The following PNPLA7 variants were observed in gnomAD, a reference collection of about 807,000 sequenced individuals.
The protein encoded by PNPLA7 is patatin-like phospholipase domain-containing protein 7.
Under a neutral mutation model 161.7 loss-of-function variants are expected in PNPLA7, and 153 were observed. That is an observed-to-expected ratio of 0.95 (90% confidence interval 0.83 to 1.08). PNPLA7 has a LOEUF of 1.08. PNPLA7 is among the 50% of genes least tolerant of loss of function. PNPLA7 has a pLI of 0.00. For synonymous variants in PNPLA7, 809 were observed against 782.1 expected (o/e 1.03, Z -0.57); for missense variants, 1,739 against 1,856.6 (o/e 0.94, Z 1.16).
chr9:137,481,853 A>T (rs112228577), intron 21 of PNPLA7, among the ~76,000 whole-genome samples: 1 of 152,218 alleles, frequency 6.6e-6, no homozygotes. Flanking sequence ...GGAGAATGGC[A>T]TGAACTCGGG....
intron 26 of PNPLA7, among the ~76,000 whole-genome samples, chr9:137,465,437 CGGAG>C (rs1222678559): frequency 6.6e-6 from 1 of 152,200 alleles, no homozygotes; most frequent in African/African-American, 2.4e-5. Flanking sequence ...GACCCACAGA[CGGAG>C]GGACAGGGAG....
chr9:137,515,015 A>C lies in PNPLA7; in HGVS notation c.1225+364T>G, dbSNP rs187071041. ...AGGCACACGTCAGCAGGGCTGGGGA[A>C]GGAAGGGAGGCTTGCTAGAGACCCG... On this transcript the variant is annotated intron_variant, in intron 12 of 34. Coordinates refer to ENST00000406427, the MANE Select transcript of PNPLA7 (RefSeq NM_001098537.3). Among the ~76,000 whole-genome samples, 8 of 152,028 alleles carry C rather than the reference A, an allele frequency of 5.3e-5. No individual in the cohort carries two copies. In the East Asian group the frequency reaches 1.6e-3, roughly 29 times the overall value.
intron 4 of PNPLA7, among the ~76,000 whole-genome samples, chr9:137,545,005 CAA>C (rs1377847204): frequency 6.6e-6 from 1 of 152,010 alleles, no homozygotes; most frequent in Non-Finnish European, 1.5e-5. Context: ...AAAAAGGTAA[CAA>C]AGATTGCTTT....
At chr9:137,462,549 C>T in intron 30 of PNPLA7, 136 bp downstream of exon 30, 1 of 1,414,656 alleles carries the variant, frequency 7.1e-7, no homozygotes, top group South Asian at 1.4e-5. Flanking sequence ...TGGGCTCAGG[C>T]AGGGGTGGTG....
At chr9:137,525,033 C>G (rs1247351780) in intron 8 of PNPLA7, among the ~76,000 whole-genome samples, 1 of 152,226 alleles carries the variant, frequency 6.6e-6, no homozygotes, top group African/African-American at 2.4e-5. Flanking sequence ...TTTATGCTAG[C>G]AGGTGACTCC....
chr9:137,491,762 C>T (rs1481618244), intron 20 of PNPLA7: 4 of 985,452 alleles, frequency 4.1e-6, no homozygotes, highest in East Asian at 2.3e-4. Flanking sequence ...GCTGTGCACA[C>T]GTCACTGTGT....
At chr9:137,463,180 T>A in intron 29 of PNPLA7, 2 of 592,098 alleles carry the variant, frequency 3.4e-6, no homozygotes, top group South Asian at 4.1e-5. Context: ...GCTGCTGAGC[T>A]GACAAACAGG....
chr9:137,462,824 G>A lies in PNPLA7; in HGVS notation c.3353C>T (p.Ala1118Val). Residue 1118 changes from alanine to valine, a missense_variant, in exon 30 of 35, where the codon GCC (alanine) becomes GTC (valine). By Grantham distance (64) the Ala-to-Val change is moderately conservative (BLOSUM62 0). Coordinates refer to ENST00000406427, the MANE Select transcript of PNPLA7 (RefSeq NM_001098537.3). ...CACCACTTTTGCCCCCATGGACCGGGCCACATCCGCTAGGGAGAAGCCAGC... is the reference window on the plus strand; with the variant it reads ...CACCACTTTTGCCCCCATGGACCGGACCACATCCGCTAGGGAGAAGCCAGC... ...GYINNLPADV[A>V]RSMGAKVVIA... 1 of 1,613,794 alleles carries A rather than the reference G, an allele frequency of 6.2e-7. No individual in the cohort carries two copies. The highest frequency in any genetic ancestry group is 8.5e-7 in the Non-Finnish European group (1 of 1,179,934).
At chr9:137,530,298 T>A (rs894204809) in intron 8 of PNPLA7, among the ~76,000 whole-genome samples, 6 of 152,236 alleles carry the variant, frequency 3.9e-5, no homozygotes, top group African/African-American at 1.4e-4. Context: ...TTTCAAAGTC[T>A]TTGTTATGCT....
At chr9:137,521,802 C>A in intron 9 of PNPLA7, 86 bp from the exon 10 acceptor site, 1 of 1,207,824 alleles carries the variant, frequency 8.3e-7, no homozygotes, top group South Asian at 1.4e-5. Context: ...CACTGAGAAC[C>A]GTGCCCCAAA....
Position 137,463,457 on chromosome 9 carries a change from C to A in PNPLA7, c.3301G>T (p.Gly1101Ter). ...TAGCCCCCGTCCATCAGCAGGTGTC[C>A]GTCCTTCGGGTCACAGAGAGGGGGC... is the stretch of plus-strand genomic sequence containing the variant. ...YMPPLCDPKD[G>*]HLLMDGGYIN... The change falls in exon 29 of 35, where the codon GGA (glycine) becomes TGA (stop). Residue 1101 changes from glycine (G) to a stop codon, truncating the protein, a stop_gained. Transcript: ENST00000406427. LOFTEE classifies it high-confidence loss of function. 5 of 1,598,938 alleles carry A rather than the reference C, an allele frequency of 3.1e-6. No individual in the cohort carries two copies. Among genetic ancestry groups the A allele is most frequent in the Non-Finnish European group, 3.4e-6 (4 of 1,172,954 alleles).
In PNPLA7 at chr9:137,480,959, C is replaced by A. The variant is rs1271526536; in HGVS notation, c.2411+1G>T. 4.5e-6 allele frequency: 7 copies of A among 1,551,492 alleles called. No individual in the cohort carries two copies. Among genetic ancestry groups the A allele is most frequent in the South Asian group, 3.6e-5 (3 of 84,060 alleles). On this transcript the variant is annotated splice_donor_variant, in intron 22 of 34. Coordinates refer to ENST00000406427, the MANE Select transcript of PNPLA7 (RefSeq NM_001098537.3). LOFTEE classifies it high-confidence loss of function. ...AAGGAGTCGGGGCTGGCGGCACGCA[C>A]CTGTCCAGGGCAGCGGAGCCAAGGC...
chr9:137,545,560 A>T (rs772340176), intron 4 of PNPLA7, among the ~76,000 whole-genome samples: 18 of 152,220 alleles, frequency 1.2e-4, no homozygotes, highest in Non-Finnish European at 2.2e-4. Flanking sequence ...CTGTTCCAGT[A>T]TAATAAAATA....
At chr9:137,495,732 C>T (rs921230956) in intron 18 of PNPLA7, among the ~76,000 whole-genome samples, 11 of 152,200 alleles carry the variant, frequency 7.2e-5, no homozygotes, top group East Asian at 3.9e-4. Flanking sequence ...CGTGAGCCGC[C>T]GCGCCCGGCC....
chr9:137,506,872 G>C (rs150108218), intron 12 of PNPLA7, among the ~76,000 whole-genome samples: 1 of 152,358 alleles, frequency 6.6e-6, no homozygotes, highest in East Asian at 1.9e-4. Flanking sequence ...GCATGCGAGC[G>C]AGTCATCTGC....
At chr9:137,477,051 G>A (rs1233634404) in intron 25 of PNPLA7, among the ~76,000 whole-genome samples, 1 of 152,226 alleles carries the variant, frequency 6.6e-6, no homozygotes, top group Non-Finnish European at 1.5e-5. Context: ...GGGAGGGGCT[G>A]CCGGAGAGGC....
At chr9:137,491,983 C>T (rs1322027789) in intron 20 of PNPLA7, 11 of 985,288 alleles carry the variant, frequency 1.1e-5, no homozygotes, top group Non-Finnish European at 1.3e-5. Context: ...CTTCTGAGGG[C>T]TCCAGGCAGA....
At chr9:137,502,788 G>T (rs867899720) in intron 14 of PNPLA7, among the ~76,000 whole-genome samples, 5 of 144,204 alleles carry the variant, frequency 3.5e-5, no homozygotes, top group Non-Finnish European at 7.5e-5. Context: ...CCGCTGGACA[G>T]GGGGGCACTG....
In PNPLA7 at chr9:137,523,866, G is replaced by A. The variant is rs903944863; in HGVS notation, c.748-1009C>T. On this transcript the variant is annotated intron_variant, in intron 8 of 34. Transcript: ENST00000406427. This position sits in a 1 kb window ranked among gnomAD's most constrained non-coding sequence, Gnocchi z 4.4. ...AGGAGGGTCTCGATCTCCTGACCTCGTGATCCGCCCACCTCGGCCTCCCAA... is the reference window on the plus strand; with the variant it reads ...AGGAGGGTCTCGATCTCCTGACCTCATGATCCGCCCACCTCGGCCTCCCAA... Among the ~76,000 whole-genome samples the A allele has an allele frequency of 2.0e-5, 3 of 151,952 alleles. No homozygotes were observed. The highest frequency in any genetic ancestry group is 1.9e-4 in the East Asian group (1 of 5,172).
Sources: allele counts gnomAD v4.1 joint callset (sites outside exome capture counted in the v4.1 genomes callset), GRCh38; gene constraint gnomAD v4.1.1; non-coding constraint Gnocchi (gnomAD v3.1); transcripts MANE v1.5; gene names NCBI Gene and HGNC (gene_info 2026-07-23, HGNC 2026-07-21).